The following PTPRD variants were observed in gnomAD, a reference collection of about 807,000 sequenced individuals.
PTPRD encodes protein tyrosine phosphatase receptor type D.
PTPRD carries 34 observed loss-of-function variants against 214.5 expected under a neutral mutation model. The ratio of observed to expected loss-of-function variants is 0.16; its 90% CI spans 0.12 to 0.21. The LOEUF (loss-of-function observed/expected upper bound fraction) is 0.21, where lower values mean the gene tolerates loss of function less well. PTPRD is among the 10% of genes least tolerant of loss of function. The pLI is 1.00. For missense variants in PTPRD, 2,545 were observed against 2,398.7 expected (o/e 1.06, Z -1.27); for synonymous variants, 1,128 against 845.7 (o/e 1.33, Z -5.79).
At chr9:10,027,121 A>G (rs948009092) in intron 4 of PTPRD, among the ~76,000 whole-genome samples, 5 of 152,210 alleles carry the variant, frequency 3.3e-5, no homozygotes, top group Non-Finnish European at 7.4e-5. Context: ...TTAGAGTCAG[A>G]TTCCTGAAAA....
intron 2 of PTPRD, among the ~76,000 whole-genome samples, chr9:10,490,695 T>C (rs906118865): frequency 6.6e-6 from 1 of 152,168 alleles, no homozygotes; most frequent in African/African-American, 2.4e-5. Context: ...TTAAATCATA[T>C]TTCACACTCT....
chr9:10,346,328 G>A (rs922564352), intron 2 of PTPRD, among the ~76,000 whole-genome samples: 6 of 151,970 alleles, frequency 3.9e-5, no homozygotes, highest in Non-Finnish European at 8.8e-5. Context: ...TTCATTTTGA[G>A]GCTTCAATTC....
intron 4 of PTPRD, among the ~76,000 whole-genome samples, chr9:9,961,731 T>C (rs898284334): frequency 2.6e-5 from 4 of 152,116 alleles, no homozygotes; most frequent in African/African-American, 7.2e-5. Context: ...GATGATGAAA[T>C]ACAGCACTGT....
chr9:8,435,700 T>TACACACACACAC (rs3043782), intron 35 of PTPRD, among the ~76,000 whole-genome samples: 17 of 148,876 alleles, frequency 1.1e-4, no homozygotes, highest in African/African-American at 4.2e-4. Context: ...AATATCCAAA[T>TACACACACACAC]ACACACACAC....
At chr9:8,416,101 G>C (rs552453732) in intron 35 of PTPRD, among the ~76,000 whole-genome samples, 1 of 152,110 alleles carries the variant, frequency 6.6e-6, no homozygotes, top group East Asian at 1.9e-4. Context: ...CTGAACACAT[G>C]TATACAATCA....
chr9:10,229,639 G>T (rs2099601508), intron 3 of PTPRD, among the ~76,000 whole-genome samples: 1 of 150,964 alleles, frequency 6.6e-6, no homozygotes, highest in African/African-American at 2.4e-5. Context: ...ACTCATAGGT[G>T]GGAATTGAAC....
At position 9,002,167 on chromosome 9, in the gene PTPRD, G is replaced by T. The variant is rs1176580566; in HGVS notation, c.-104+16530C>A. Among the ~76,000 whole-genome samples the T allele has an allele frequency of 2.0e-5, 3 of 151,708 alleles. No individual in the cohort carries two copies. In the East Asian group the frequency reaches 5.8e-4, roughly 29 times the overall value. ...ACCTTATACCATATATTATCTAGAA[G>T]ATAGGATATTTATCTCCAGAGAAAT... is the stretch of plus-strand genomic sequence containing the variant. On this transcript the variant is annotated intron_variant, in intron 11 of 45. Coordinates refer to ENST00000381196, the MANE Select transcript of PTPRD (RefSeq NM_002839.4).
In PTPRD at chr9:9,580,986, C is replaced by G. The variant is rs1326346904; in HGVS notation, c.-286-6205G>C. 2.0e-5 allele frequency among the ~76,000 whole-genome samples: 3 copies of G among 152,058 alleles called. No homozygotes were observed. The South Asian group carries it at 6.2e-4, about 32-fold the overall frequency. ...TTCCATTCTGTGGGTTGTGTGTTCC[C>G]TGTGTTGATCAGATTCTTTTAAAGG... On this transcript the variant is annotated intron_variant, in intron 7 of 45. Coordinates refer to ENST00000381196, the MANE Select transcript of PTPRD (RefSeq NM_002839.4).
At chr9:9,839,047 T>G (rs1006325498) in intron 5 of PTPRD, among the ~76,000 whole-genome samples, 10 of 152,284 alleles carry the variant, frequency 6.6e-5, no homozygotes, top group Admixed American at 2.6e-4. Context: ...TGCTTGTTTT[T>G]GTCAGGTTTG....
intron 3 of PTPRD, among the ~76,000 whole-genome samples, chr9:10,337,593 G>A (rs1482078979): frequency 6.6e-6 from 1 of 151,236 alleles, no homozygotes; most frequent in African/African-American, 2.4e-5. Flanking sequence ...TGCAATTTGG[G>A]AATTTAAAAA....
intron 11 of PTPRD, among the ~76,000 whole-genome samples, chr9:8,910,629 A>T (rs2098740574): frequency 6.6e-6 from 1 of 152,048 alleles, no homozygotes; most frequent in Non-Finnish European, 1.5e-5. Context: ...TCAACCTTGA[A>T]CTTCCCAGCC....
chr9:9,292,275 A>G (rs934358613), intron 9 of PTPRD, among the ~76,000 whole-genome samples: 2 of 151,138 alleles, frequency 1.3e-5, no homozygotes, highest in Admixed American at 6.6e-5. Flanking sequence ...CTTTATCTCT[A>G]TTCTGTGATA....
intron 11 of PTPRD, among the ~76,000 whole-genome samples, chr9:8,877,902 G>A (rs1228659585): frequency 6.6e-6 from 1 of 152,106 alleles, no homozygotes; most frequent in East Asian, 1.9e-4. Context: ...AGAAATCGAG[G>A]TGTCTATGGG....
intron 2 of PTPRD, among the ~76,000 whole-genome samples, chr9:10,380,847 T>C (rs911099377): frequency 1.3e-5 from 2 of 152,040 alleles, no homozygotes; most frequent in African/African-American, 4.8e-5. Context: ...TTGAGTTCAA[T>C]TGTGATTAGT....
chr9:8,548,486 G>C (rs897424773), intron 14 of PTPRD, among the ~76,000 whole-genome samples: 5 of 151,758 alleles, frequency 3.3e-5, no homozygotes, highest in African/African-American at 9.7e-5. Flanking sequence ...TTGTGCTTCA[G>C]CCTCCCAAGT....
At chr9:8,524,650 T>A in intron 18 of PTPRD, 6 of 502,626 alleles carry the variant, frequency 1.2e-5, no homozygotes, top group South Asian at 4.4e-5. Flanking sequence ...CAAAGCACAG[T>A]TCAATCAATA....
At chr9:10,516,809 G>C (rs887223237) in intron 2 of PTPRD, among the ~76,000 whole-genome samples, 6 of 151,720 alleles carry the variant, frequency 4.0e-5, no homozygotes, top group African/African-American at 1.5e-4. Context: ...AGTTTTCCCA[G>C]CACCATTTGC....
At chr9:9,469,342 C>T (rs1034401923) in intron 8 of PTPRD, among the ~76,000 whole-genome samples, 1 of 152,024 alleles carries the variant, frequency 6.6e-6, no homozygotes, top group Non-Finnish European at 1.5e-5. Context: ...CTGTTGTCTT[C>T]TAGGAGCAAT....
intron 8 of PTPRD, among the ~76,000 whole-genome samples, chr9:9,429,077 GAC>G (rs1441477408): frequency 6.6e-6 from 1 of 152,080 alleles, no homozygotes; most frequent in African/African-American, 2.4e-5. Context: ...AGGAAAAAGA[GAC>G]ACAAAAAACC....
Sources: gnomAD v4.1 joint callset for allele counts (sites outside exome capture counted in the v4.1 genomes callset) on GRCh38, gnomAD v4.1.1 for gene constraint, MANE v1.5 for transcripts, NCBI Gene and HGNC (gene_info 2026-07-23, HGNC 2026-07-21) for gene names.